PPP2R5E: variants seen among roughly 807,000 people sequenced by gnomAD.
PPP2R5E encodes serine/threonine-protein phosphatase 2A 56 kDa regulatory subunit epsilon isoform.
PPP2R5E carries 4 observed loss-of-function variants against 65.3 expected under a neutral mutation model. The ratio of observed to expected loss-of-function variants is 0.06; its 90% CI spans 0.03 to 0.14. PPP2R5E has a LOEUF of 0.14. Among genes scored for constraint, PPP2R5E ranks in the 10% least tolerant of loss-of-function variants. The pLI is 1.00. For missense variants in PPP2R5E, 274 were observed against 556.1 expected (o/e 0.49, Z 5.10); for synonymous variants, 183 against 187.4 (o/e 0.98, Z 0.19).
At chr14:63,507,573 CTCT>C (rs1174160351) in intron 2 of PPP2R5E, among the ~76,000 whole-genome samples, 1 of 138,214 alleles carries the variant, frequency 7.2e-6, no homozygotes, top group African/African-American at 2.8e-5. Context: ...AAGGGTAATT[CTCT>C]TTTTTTTTTT....
At chr14:63,403,273 C>G (rs377580968) in intron 5 of PPP2R5E, among the ~76,000 whole-genome samples, 14 of 148,580 alleles carry the variant, frequency 9.4e-5, no homozygotes, top group African/African-American at 3.5e-4. Context: ...ACTGAAAATA[C>G]AAAAATTAGT....
intron 2 of PPP2R5E, among the ~76,000 whole-genome samples, chr14:63,460,404 T>C (rs749853914): frequency 1.3e-5 from 2 of 152,174 alleles, no homozygotes; most frequent in Non-Finnish European, 2.9e-5. Flanking sequence ...ATAACAATGA[T>C]GATAATGGTG....
intron 3 of PPP2R5E, among the ~76,000 whole-genome samples, chr14:63,446,944 G>T (rs1203985168): frequency 2.0e-5 from 3 of 152,046 alleles, no homozygotes; most frequent in Admixed American, 2.0e-4. Flanking sequence ...TGGGGGAAAA[G>T]AAAAACAAAA....
chr14:63,394,990 T>C (rs970535220), intron 7 of PPP2R5E, among the ~76,000 whole-genome samples: 1 of 152,232 alleles, frequency 6.6e-6, no homozygotes, highest in Non-Finnish European at 1.5e-5. Flanking sequence ...TAGTAATGAA[T>C]GAACTGTCAG....
chr14:63,524,719 G>C (rs1010619477), intron 2 of PPP2R5E, among the ~76,000 whole-genome samples: 1 of 152,158 alleles, frequency 6.6e-6, no homozygotes, highest in Admixed American at 6.5e-5. Flanking sequence ...GACACGTCTT[G>C]TGCCCAGCTC....
chr14:63,526,219 C>A (rs1296953599), intron 2 of PPP2R5E, among the ~76,000 whole-genome samples: 2 of 152,090 alleles, frequency 1.3e-5, no homozygotes, highest in Non-Finnish European at 2.9e-5. Context: ...GGCTCAAAAC[C>A]CAAAGAGAAA....
chr14:63,410,742 T>C (rs1315485288), intron 5 of PPP2R5E, among the ~76,000 whole-genome samples: 1 of 152,190 alleles, frequency 6.6e-6, no homozygotes, highest in African/African-American at 2.4e-5. Flanking sequence ...AGCTAACAGG[T>C]GCCCAGGGCT....
intron 2 of PPP2R5E, among the ~76,000 whole-genome samples, chr14:63,481,920 T>C (rs1241143889): frequency 2.0e-5 from 3 of 152,172 alleles, no homozygotes; most frequent in Non-Finnish European, 2.9e-5. Context: ...CAACAAACAG[T>C]TAAAGAATTC....
intron 2 of PPP2R5E, among the ~76,000 whole-genome samples, chr14:63,472,174 C>T (rs113414143): frequency 6.6e-6 from 1 of 152,132 alleles, no homozygotes; most frequent in African/African-American, 2.4e-5. Context: ...GTGACAGGCG[C>T]CTGTAATCCC....
In PPP2R5E at chr14:63,374,354, C is replaced by G. The variant is rs1355692877; in HGVS notation, c.*1655G>C. The G allele has an allele frequency of 1.3e-5, 2 of 151,736 alleles. No homozygotes were observed. Among genetic ancestry groups the G allele is most frequent in the African/African-American group, 4.8e-5 (2 of 41,346 alleles). 9.4% of individuals were successfully genotyped at this position (151,736 alleles called of 1,614,324 possible). A position where few individuals can be genotyped will look rare whatever the true frequency, so the allele number is the denominator to read the frequency against. On this transcript the variant is annotated 3_prime_UTR_variant, in exon 14 of 14. Transcript: ENST00000337537. ...ATTTCTATTAAGAGCAACAATAGTT[C>G]ATATGTTCATGTTTGCTACTATCAC...
chr14:63,391,777 T>C (rs975991453), intron 10 of PPP2R5E, 40 bp downstream of exon 10: 8 of 1,595,110 alleles, frequency 5.0e-6, no homozygotes, highest in Non-Finnish European at 6.9e-6. Flanking sequence ...CAGCAAAATA[T>C]TCAGTAAGCT....
intron 5 of PPP2R5E, among the ~76,000 whole-genome samples, chr14:63,410,888 G>C (rs558361764): frequency 6.6e-6 from 1 of 152,288 alleles, no homozygotes; most frequent in East Asian, 1.9e-4. Flanking sequence ...GCCCTGGTGT[G>C]AAGGTCAAAT....
intron 3 of PPP2R5E, among the ~76,000 whole-genome samples, chr14:63,428,353 C>G (rs1887450933): frequency 6.6e-6 from 1 of 152,188 alleles, no homozygotes; most frequent in African/African-American, 2.4e-5. Context: ...CTGGTGAAAT[C>G]TGACTTTCAG....
rs1310028280 is a variant in PPP2R5E at position 63,498,592 on chromosome 14, C to A, written c.157+40937G>T. 5.3e-5 allele frequency among the ~76,000 whole-genome samples: 8 copies of A among 151,892 alleles called. No homozygotes were observed. The East Asian group carries it at 1.5e-3, about 29-fold the overall frequency. ...TTTTTTTCCCAGACAGGGTCTCACT[C>A]TGTCACCCAGGCTGGAGCGAGATGG... On this transcript the variant is annotated intron_variant, in intron 2 of 13. Transcript: ENST00000337537.
intron 2 of PPP2R5E, among the ~76,000 whole-genome samples, chr14:63,456,536 T>C (rs965145149): frequency 1.3e-5 from 2 of 152,250 alleles, no homozygotes. Context: ...TAAGCACTTA[T>C]ACATATTATA....
intron 2 of PPP2R5E, among the ~76,000 whole-genome samples, chr14:63,494,825 G>A (rs1172582990): frequency 2.0e-5 from 3 of 151,710 alleles, no homozygotes; most frequent in African/African-American, 7.3e-5. Flanking sequence ...TGAGCCCAGG[G>A]GGCGGAGGCT....
At chr14:63,528,915 A>AT (rs1893295517) in intron 2 of PPP2R5E, among the ~76,000 whole-genome samples, 1 of 152,200 alleles carries the variant, frequency 6.6e-6, no homozygotes, top group Non-Finnish European at 1.5e-5. Context: ...AGAAGATCAT[A>AT]TTTTAATGGG....
chr14:63,474,426 T>C (rs999530895), intron 2 of PPP2R5E, among the ~76,000 whole-genome samples: 1 of 152,122 alleles, frequency 6.6e-6, no homozygotes, highest in Non-Finnish European at 1.5e-5. Flanking sequence ...GACAATGTGT[T>C]ACATTAGAGA....
At position 63,453,673 on chromosome 14, in the gene PPP2R5E, A is replaced by T; in HGVS notation, c.354+16T>A. The T allele has an allele frequency of 6.2e-7, 1 of 1,610,146 alleles. No homozygotes were observed. Among genetic ancestry groups the T allele is most frequent in the East Asian group, 2.2e-5 (1 of 44,832 alleles). On this transcript the variant is annotated intron_variant, in intron 3 of 13. Transcript: ENST00000337537. Reference sequence around the variant, plus strand: ...AAGATGCTTAAAAGTGTCCGCGGAGAAAAAAAGAAACTCACCATTCTAACT... The same window carrying T: ...AAGATGCTTAAAAGTGTCCGCGGAGTAAAAAAGAAACTCACCATTCTAACT...
Sources: gnomAD v4.1 joint callset for allele counts (sites outside exome capture counted in the v4.1 genomes callset) on GRCh38, gnomAD v4.1.1 for gene constraint, MANE v1.5 for transcripts, NCBI Gene and HGNC (gene_info 2026-07-23, HGNC 2026-07-21) for gene names.